Variants in SGCD observed in about 807,000 individuals in gnomAD.
SGCD encodes the protein sarcoglycan delta.
Under a neutral mutation model 36.6 loss-of-function variants are expected in SGCD, and 18 were observed. The observed-to-expected ratio is 0.49, with a 90% CI of 0.34 to 0.73. The LOEUF (loss-of-function observed/expected upper bound fraction) is 0.73, where lower values mean the gene tolerates loss of function less well. Among genes scored for constraint, SGCD ranks in the 30% least tolerant of loss-of-function variants. The pLI is 0.01. For synonymous variants in SGCD, 133 were observed against 130.6 expected (o/e 1.02, Z -0.12); for missense variants, 387 against 346.7 (o/e 1.12, Z -0.92).
At chr5:155,826,414 G>A in the SGCD span, among the ~76,000 whole-genome samples, 1 of 152,148 alleles carries the variant, frequency 6.6e-6, no homozygotes, top group South Asian at 2.1e-4. Flanking sequence ...CAAATTTACT[G>A]TGATGGTCTA....
intron 1 of SGCD, among the ~76,000 whole-genome samples, chr5:155,963,208 T>C (rs1216926448): frequency 1.3e-5 from 2 of 152,008 alleles, no homozygotes; most frequent in East Asian, 1.9e-4. Context: ...CCATCATAAA[T>C]GTTCAATAAA....
chr5:156,462,777 G>C (rs1241625400), intron 3 of SGCD, among the ~76,000 whole-genome samples: 2 of 151,960 alleles, frequency 1.3e-5, no homozygotes, highest in African/African-American at 2.4e-5. Flanking sequence ...CATTAGGTTG[G>C]TACAAAAGTA....
At chr5:156,689,992 C>T (rs1754050552) in intron 7 of SGCD, among the ~76,000 whole-genome samples, 1 of 152,142 alleles carries the variant, frequency 6.6e-6, no homozygotes, top group African/African-American at 2.4e-5. Context: ...AATATTACCC[C>T]TTTTAGTGTA....
chr5:156,653,493 C>CTTGTTTTTTTTTTTTTTTT (rs1763545133), intron 7 of SGCD, among the ~76,000 whole-genome samples: 3 of 48,082 alleles, frequency 6.2e-5, no homozygotes, highest in African/African-American at 1.3e-4. Context: ...CTAAAGCTTG[C>CTTGTTTTTTTTTTTTTTTT]TTTTTTTTTT....
the SGCD span, among the ~76,000 whole-genome samples, chr5:155,845,186 G>T: frequency 6.6e-6 from 1 of 152,142 alleles, no homozygotes; most frequent in Non-Finnish European, 1.5e-5. Context: ...TTTTTAAAAT[G>T]GGTTTGCCTA....
At chr5:156,250,002 T>C in intron 3 of SGCD, among the ~76,000 whole-genome samples, 1 of 152,228 alleles carries the variant, frequency 6.6e-6, no homozygotes, top group Non-Finnish European at 1.5e-5. Context: ...CCATAGATTT[T>C]ACATGTTACA....
chr5:156,479,677 T>C (rs1192011994), intron 3 of SGCD, among the ~76,000 whole-genome samples: 6 of 152,136 alleles, frequency 3.9e-5, no homozygotes, highest in Non-Finnish European at 8.8e-5. Flanking sequence ...CAATGAAGAG[T>C]AGAAGAAAGA....
chr5:156,603,473 T>C (rs1761283761), intron 6 of SGCD, among the ~76,000 whole-genome samples: 2 of 152,208 alleles, frequency 1.3e-5, no homozygotes, highest in South Asian at 2.1e-4. Flanking sequence ...TGGGTTTTGT[T>C]CTTACATTTC....
At chr5:155,767,363 T>A in the SGCD span, among the ~76,000 whole-genome samples, 1 of 152,218 alleles carries the variant, frequency 6.6e-6, no homozygotes, top group African/African-American at 2.4e-5. Context: ...CATCCGCTTC[T>A]CACCCAGTGA....
intron 1 of SGCD, among the ~76,000 whole-genome samples, chr5:156,055,043 T>C (rs891276383): frequency 2.7e-5 from 4 of 146,136 alleles, no homozygotes; most frequent in African/African-American, 9.8e-5. Context: ...GAGCCAAAAA[T>C]ATGTCTGTGC....
chr5:156,231,407 G>A (rs1421219598), intron 3 of SGCD, among the ~76,000 whole-genome samples: 3 of 152,046 alleles, frequency 2.0e-5, no homozygotes, highest in Admixed American at 6.6e-5. Flanking sequence ...ATGGTGGCAC[G>A]TGCTTGTAAT....
At chr5:156,434,219 G>A (rs1753146763) in intron 3 of SGCD, among the ~76,000 whole-genome samples, 1 of 152,222 alleles carries the variant, frequency 6.6e-6, no homozygotes, top group African/African-American at 2.4e-5. Flanking sequence ...TGCTGTGTGT[G>A]TGTAAAGTAG....
At chr5:156,672,148 T>A (rs1245308891) in intron 7 of SGCD, among the ~76,000 whole-genome samples, 1 of 152,212 alleles carries the variant, frequency 6.6e-6, no homozygotes, top group East Asian at 1.9e-4. Context: ...CTTGGGCTGG[T>A]CATTTTCCCC....
chr5:155,745,304 A>G, the SGCD span, among the ~76,000 whole-genome samples: 2 of 152,216 alleles, frequency 1.3e-5, no homozygotes, highest in South Asian at 2.1e-4. Context: ...ATATAATATG[A>G]TATTATGATA....
chr5:156,569,568 G>C (rs1759633914), intron 4 of SGCD, among the ~76,000 whole-genome samples: 1 of 151,444 alleles, frequency 6.6e-6, no homozygotes, highest in South Asian at 2.1e-4. Flanking sequence ...CTCCAGCCTG[G>C]GCGACAGAGT....
At position 156,146,857 on chromosome 5, in the gene SGCD, A is replaced by G. The variant is rs79116866; in HGVS notation, c.-44+22838A>G. On this transcript the variant is annotated intron_variant, in intron 3 of 9. Transcript: ENST00000517913. ...CTGTTTTATTTTAACTTATTAGTTT[A>G]TTATTTCCCCATTTATGTGTAATAT... 5.9e-3 allele frequency among the ~76,000 whole-genome samples: 894 copies of G among 152,288 alleles called. 10 individuals are homozygous for G. The highest frequency in any genetic ancestry group is 0.021 in the African/African-American group (864 of 41,564).
At chr5:156,438,650 A>G (rs1753355558) in intron 3 of SGCD, among the ~76,000 whole-genome samples, 1 of 152,142 alleles carries the variant, frequency 6.6e-6, no homozygotes, top group African/African-American at 2.4e-5. Context: ...GTGTTTAGCG[A>G]TTAATCATAT....
At chr5:156,508,384 G>A (rs1756793890) in intron 3 of SGCD, among the ~76,000 whole-genome samples, 1 of 151,918 alleles carries the variant, frequency 6.6e-6, no homozygotes, top group African/African-American at 2.4e-5. Context: ...CAAATTGCTT[G>A]GAATAGAATT....
intron 3 of SGCD, among the ~76,000 whole-genome samples, chr5:156,390,207 T>G (rs1425791851): frequency 1.3e-5 from 1 of 77,298 alleles, no homozygotes; most frequent in Non-Finnish European, 2.7e-5. Context: ...CTATGCCTTC[T>G]GTTTATTAAA....
Sources: gnomAD v4.1 joint callset for allele counts (sites outside exome capture counted in the v4.1 genomes callset) on GRCh38, gnomAD v4.1.1 for gene constraint, MANE v1.5 for transcripts, NCBI Gene and HGNC (gene_info 2026-07-23, HGNC 2026-07-21) for gene names.